Variants in GSTA5 observed in about 807,000 individuals in gnomAD.
GSTA5 encodes glutathione S-transferase alpha 5, also known as glutathione S-transferase A5.
Under a neutral mutation model 21.8 loss-of-function variants are expected in GSTA5, and 25 were observed. The ratio of observed to expected loss-of-function variants is 1.14; its 90% CI spans 0.83 to 1.60. GSTA5 has a LOEUF of 1.60. Ranked by LOEUF, GSTA5 falls within the 40% of genes most tolerant of loss-of-function variation. The pLI is 0.00. For synonymous variants in GSTA5, 102 were observed against 89.5 expected (o/e 1.14, Z -0.78); for missense variants, 330 against 259.2 (o/e 1.27, Z -1.88).
upstream of GSTA5, among the ~76,000 whole-genome samples, chr6:52,842,145 T>A (rs1246568365): frequency 6.6e-6 from 1 of 152,152 alleles, no homozygotes; most frequent in African/African-American, 2.4e-5. Flanking sequence ...CCCAGGCTGT[T>A]TGGGAGGTGG....
At chr6:52,831,891 T>A in exon 6 of GSTA5, 2 of 1,613,980 alleles carry the variant, frequency 1.2e-6, no homozygotes, top group East Asian at 4.5e-5. Flanking sequence ...AGATTTCTCA[T>A]CCATGGGAGG....
chr6:52,844,986 ATCTG>A (rs1022515954), upstream of GSTA5, among the ~76,000 whole-genome samples: 4 of 152,072 alleles, frequency 2.6e-5, no homozygotes, highest in African/African-American at 7.2e-5. Context: ...TTTGTCTGTA[ATCTG>A]TCTGTCTCTT....
chr6:52,837,770 C>T (rs888162266), intron 1 of GSTA5, among the ~76,000 whole-genome samples, 161 bp from the exon 2 acceptor site: 11 of 152,200 alleles, frequency 7.2e-5, no homozygotes, highest in African/African-American at 2.7e-4. Flanking sequence ...AAGTTTAGAC[C>T]TAATTCATTG....
chr6:52,832,302 G>A (rs1334622863), intron 5 of GSTA5, among the ~76,000 whole-genome samples: 3 of 152,170 alleles, frequency 2.0e-5, no homozygotes, highest in African/African-American at 7.2e-5. Flanking sequence ...CAGTCTCTAA[G>A]CAGAAGTAAA....
At chr6:52,839,749 G>C (rs1764346106) in intron 1 of GSTA5, among the ~76,000 whole-genome samples, 1 of 152,168 alleles carries the variant, frequency 6.6e-6, no homozygotes, top group African/African-American at 2.4e-5. Context: ...TTTTCTCAGT[G>C]ACACCTCTAG....
Position 52,832,851 on chromosome 6 carries a change from T to G in GSTA5, c.546+8A>C. On this transcript the variant is annotated splice_region_variant and intron_variant, in intron 5 of 5. Transcript: ENST00000370989. ...GGGGCTGTCTCTCTGGGCTGTGAAA[T>G]GGGTCACCTTCAGCAGAGGGAAGCT... is the stretch of plus-strand genomic sequence containing the variant. 3 of 1,613,682 alleles carry G rather than the reference T, an allele frequency of 1.9e-6. No homozygotes were observed. The highest frequency in any genetic ancestry group is 1.1e-5 in the South Asian group (1 of 91,048).
At chr6:52,836,430 A>C in intron 2 of GSTA5, 62 bp from the exon 3 acceptor site, 1 of 1,517,518 alleles carries the variant, frequency 6.6e-7, no homozygotes, top group Non-Finnish European at 9.0e-7. Flanking sequence ...TTTGGGATGA[A>C]AAAAATGGTT....
At chr6:52,842,232 G>A (rs1358104593), upstream of GSTA5, among the ~76,000 whole-genome samples, 1 of 152,074 alleles carries the variant, frequency 6.6e-6, no homozygotes, top group East Asian at 1.9e-4. Flanking sequence ...GAATGTGAAT[G>A]GAAGGACACA....
chr6:52,840,915 A>C, upstream of GSTA5: 1 of 1,029,316 alleles, frequency 9.7e-7, no homozygotes, highest in Non-Finnish European at 1.4e-6. Context: ...TGAAAACCAC[A>C]AACAATGCTG....
chr6:52,840,918 C>T, upstream of GSTA5: 1 of 998,066 alleles, frequency 1.0e-6, no homozygotes. Flanking sequence ...AAACCACAAA[C>T]AATGCTGAAG....
At chr6:52,835,228 G>A (rs1362384800) in intron 3 of GSTA5, among the ~76,000 whole-genome samples, 1 of 152,092 alleles carries the variant, frequency 6.6e-6, no homozygotes, top group African/African-American at 2.4e-5. Flanking sequence ...TACCTCTATG[G>A]ATTTGAATAT....
intron 1 of GSTA5, among the ~76,000 whole-genome samples, chr6:52,840,283 A>G (rs1175301948): frequency 6.6e-6 from 1 of 152,230 alleles, no homozygotes; most frequent in Non-Finnish European, 1.5e-5. Context: ...TTTTGTAATA[A>G]TTCCAAAGAA....
At chr6:52,833,931 A>C (rs1326592138) in intron 4 of GSTA5, among the ~76,000 whole-genome samples, 1 of 152,190 alleles carries the variant, frequency 6.6e-6, no homozygotes, top group Non-Finnish European at 1.5e-5. Flanking sequence ...TGTAAATTAA[A>C]ATTTTACTGG....
In GSTA5 at chr6:52,840,827, T is replaced by G. The variant is rs773785324; in HGVS notation, c.-14A>C. The G allele has an allele frequency of 6.2e-6, 10 of 1,609,532 alleles. No homozygotes were observed. The highest frequency in any genetic ancestry group is 7.7e-6 in the Non-Finnish European group (9 of 1,176,412). ...CTTCTCTGCCATGATAGCAGTCTCC[T>G]GGAGGTTTCTCTAAGCCTGAATGAA... On this transcript the variant is annotated 5_prime_UTR_variant, in exon 1 of 6. Coordinates refer to ENST00000370989, the Ensembl canonical transcript of GSTA5.
At chr6:52,831,894 A>G (rs779640534) in exon 6 of GSTA5, 7 of 1,613,786 alleles carry the variant, frequency 4.3e-6, no homozygotes, top group African/African-American at 1.3e-5. Flanking sequence ...TTTCTCATCC[A>G]TGGGAGGCTT....
intron 5 of GSTA5, 25 bp downstream of exon 5, chr6:52,832,834 C>A: frequency 6.2e-7 from 1 of 1,613,504 alleles, no homozygotes. Context: ...GTGGGGCTGT[C>A]TCTCTGGGCT....
intron 1 of GSTA5, among the ~76,000 whole-genome samples, chr6:52,839,672 C>A (rs1316712101): frequency 6.6e-6 from 1 of 152,174 alleles, no homozygotes; most frequent in Non-Finnish European, 1.5e-5. Context: ...TGAGTTTGTC[C>A]ATGACTCACT....
intron 5 of GSTA5, 66 bp from the exon 6 acceptor site, chr6:52,832,036 G>A (rs1764224136): frequency 1.8e-5 from 28 of 1,555,328 alleles, no homozygotes; most frequent in Non-Finnish European, 2.4e-5. Context: ...AGATGACCCA[G>A]GGAATGTGAG....
intron 1 of GSTA5, among the ~76,000 whole-genome samples, chr6:52,838,098 A>G (rs569810899): frequency 5.1e-4 from 78 of 152,356 alleles, no homozygotes; most frequent in Non-Finnish European, 1.0e-3. Context: ...GGGTGAAATA[A>G]GTTGCAGCTG....
Sources: allele counts gnomAD v4.1 joint callset (sites outside exome capture counted in the v4.1 genomes callset), GRCh38; gene constraint gnomAD v4.1.1; transcripts MANE v1.5; gene names NCBI Gene and HGNC (gene_info 2026-07-23, HGNC 2026-07-21).